Variants in DSCAML1 observed in about 807,000 individuals in gnomAD.
The protein encoded by DSCAML1 is cell adhesion molecule DSCAML1.
DSCAML1 carries 38 observed loss-of-function variants against 200.5 expected under a neutral mutation model. That is an observed-to-expected ratio of 0.19 (90% CI 0.15 to 0.25). The LOEUF (loss-of-function observed/expected upper bound fraction) is 0.25. DSCAML1 is among the 10% of genes least tolerant of loss of function. DSCAML1 has a pLI of 1.00. For missense variants in DSCAML1, 2,223 were observed against 2,858.8 expected, an observed-to-expected ratio of 0.78 and a Z score of 5.07; for synonymous variants, 1,215 against 1,165.0, an observed-to-expected ratio of 1.04 and a Z score of -0.87.
intron 3 of DSCAML1, among the ~76,000 whole-genome samples, chr11:117,562,435 T>C (rs2050680439): frequency 6.6e-6 from 1 of 152,240 alleles, no homozygotes; most frequent in Non-Finnish European, 1.5e-5. Flanking sequence ...CTTGGAATCA[T>C]TTCTTGCTTC....
chr11:117,725,697 G>A (rs1377875626), intron 3 of DSCAML1, among the ~76,000 whole-genome samples: 2 of 152,088 alleles, frequency 1.3e-5, no homozygotes, highest in Non-Finnish European at 2.9e-5. Flanking sequence ...GCCTCCCAGG[G>A]CCTAGACACA....
intron 1 of DSCAML1, among the ~76,000 whole-genome samples, chr11:117,813,455 C>T (rs887727183): frequency 4.6e-5 from 7 of 152,216 alleles, no homozygotes; most frequent in African/African-American, 9.7e-5. Flanking sequence ...GATATCTCCT[C>T]GTGCTATCTC....
chr11:117,715,115 A>AT (rs2053927755), intron 3 of DSCAML1, among the ~76,000 whole-genome samples: 1 of 151,060 alleles, frequency 6.6e-6, no homozygotes, highest in Admixed American at 6.6e-5. Flanking sequence ...TAAGTCATTA[A>AT]AAAAAAAGAA....
In DSCAML1 at chr11:117,544,589, TG is replaced by T. The variant is rs1004321657; in HGVS notation, c.512-12068del. ...AATAACCTGGGAGTCCCTGCCAGCC[TG>T]GGTTTGAAAAAACCAAGGGAAGCCA... On this transcript the variant is annotated intron_variant, in intron 3 of 32. Coordinates refer to ENST00000651296, the MANE Select transcript of DSCAML1 (RefSeq NM_020693.4). 9.8e-5 allele frequency among the ~76,000 whole-genome samples: 15 copies of T among 152,306 alleles called. No homozygotes were observed. The South Asian group carries it at 2.7e-3, about 27-fold the overall frequency.
At chr11:117,792,379 G>T (rs187015917) in intron 1 of DSCAML1, among the ~76,000 whole-genome samples, 75 of 152,126 alleles carry the variant, frequency 4.9e-4, no homozygotes, top group African/African-American at 1.7e-3. Flanking sequence ...CAGCTGGCTC[G>T]CTGGGAGGGG....
At chr11:117,625,586 A>G (rs10892145) in intron 3 of DSCAML1, among the ~76,000 whole-genome samples, 69,714 of 152,054 alleles carry the variant, frequency 0.46, 17,199 homozygotes, top group Non-Finnish European at 0.54. Context: ...CCTAGCGTCC[A>G]GGGCAGAGAG....
intron 3 of DSCAML1, among the ~76,000 whole-genome samples, chr11:117,648,069 C>A (rs1415028803): frequency 6.6e-6 from 1 of 152,220 alleles, no homozygotes; most frequent in Non-Finnish European, 1.5e-5. Flanking sequence ...CTCTGCCCAG[C>A]CACACCCACA....
In DSCAML1 at chr11:117,436,004, A is replaced by G. The variant is rs542380191; in HGVS notation, c.4721-205T>C. ...CCATGAACAGTTGTGTAGTTTTAAT[A>G]TTGCATTTTATTAACAAAGTCCTGG... On this transcript the variant is annotated intron_variant, in intron 26 of 32. Transcript: ENST00000651296. Among the ~76,000 whole-genome samples the G allele has an allele frequency of 3.7e-4, 57 of 152,264 alleles. 1 individual carries two copies. The highest frequency in any genetic ancestry group is 4.6e-4 in the Admixed American group (7 of 15,296).
chr11:117,497,755 G>A (rs1177938456), intron 11 of DSCAML1, among the ~76,000 whole-genome samples: 2 of 152,236 alleles, frequency 1.3e-5, no homozygotes, highest in Non-Finnish European at 2.9e-5. Flanking sequence ...AGGTGAGGCC[G>A]ACTATGATCA....
Position 117,433,166 on chromosome 11 carries a change from G to A in DSCAML1, c.4998C>T (p.Ile1666=), listed in dbSNP as rs755971456. 47 of 1,613,920 alleles carry A rather than the reference G, an allele frequency of 2.9e-5. No homozygotes were observed. The highest frequency in any genetic ancestry group is 3.9e-5 in the Non-Finnish European group (46 of 1,179,962). ...GTTGCTTGATGCCTTCTTTGTCCTC[G>A]ATGAGCAGCTGGACCCTGGGGATGT... ...HIDIPRVQLL[I]EDKEGIKQLG... Residue 1666 remains isoleucine (I), a synonymous_variant, in exon 29 of 33, where the codon ATC becomes ATT. Coordinates refer to ENST00000651296, the MANE Select transcript of DSCAML1 (RefSeq NM_020693.4).
chr11:117,676,671 C>T (rs1429106797), intron 3 of DSCAML1, among the ~76,000 whole-genome samples: 1 of 152,218 alleles, frequency 6.6e-6, no homozygotes, highest in Non-Finnish European at 1.5e-5. Flanking sequence ...TCTGGATGGA[C>T]CAGCAGCTGC....
chr11:117,451,373 T>C (rs2048279641), intron 19 of DSCAML1, among the ~76,000 whole-genome samples: 1 of 152,236 alleles, frequency 6.6e-6, no homozygotes, highest in Non-Finnish European at 1.5e-5. Context: ...CTCCATTGTA[T>C]GGTTGTGTAC....
At chr11:117,577,341 C>A (rs1460689455) in intron 3 of DSCAML1, among the ~76,000 whole-genome samples, 2 of 152,208 alleles carry the variant, frequency 1.3e-5, no homozygotes, top group Admixed American at 6.5e-5. Flanking sequence ...GATTTTACTG[C>A]ATGGCCACAT....
chr11:117,688,143 A>G (rs1363445314), intron 3 of DSCAML1, among the ~76,000 whole-genome samples: 1 of 152,264 alleles, frequency 6.6e-6, no homozygotes, highest in Admixed American at 6.5e-5. Context: ...TAGCAGCAGC[A>G]ATACAGGAAA....
At chr11:117,764,502 C>G (rs1005261971) in intron 3 of DSCAML1, among the ~76,000 whole-genome samples, 1 of 152,208 alleles carries the variant, frequency 6.6e-6, no homozygotes, top group African/African-American at 2.4e-5. Flanking sequence ...GCACCCATCA[C>G]GCACACAGGA....
In DSCAML1 at chr11:117,690,429, C is replaced by A. The variant is rs181408340; in HGVS notation, c.511+86362G>T. Reference sequence around the variant, plus strand: ...CCAAGGGATGGAGGCACCCACGGGTCTCCAAGCTGCCCTCACGGGCCTTTC... The same window carrying A: ...CCAAGGGATGGAGGCACCCACGGGTATCCAAGCTGCCCTCACGGGCCTTTC... On this transcript the variant is annotated intron_variant, in intron 3 of 32. Coordinates refer to ENST00000651296, the MANE Select transcript of DSCAML1 (RefSeq NM_020693.4). Among the ~76,000 whole-genome samples, 266 of 152,362 alleles carry A rather than the reference C, an allele frequency of 1.7e-3. 1 individual carries two copies. Among genetic ancestry groups the A allele is most frequent in the African/African-American group, 4.9e-3 (204 of 41,578 alleles).
intron 3 of DSCAML1, among the ~76,000 whole-genome samples, chr11:117,626,285 G>A (rs1331878861): frequency 6.6e-6 from 1 of 151,610 alleles, no homozygotes; most frequent in East Asian, 1.9e-4. Flanking sequence ...TTGGTCCCCT[G>A]GGGATGCTAC....
intron 3 of DSCAML1, among the ~76,000 whole-genome samples, chr11:117,711,203 G>A (rs2053843044): frequency 6.6e-6 from 1 of 152,182 alleles, no homozygotes; most frequent in Non-Finnish European, 1.5e-5. Flanking sequence ...GCTCAGCCCA[G>A]GGCAAAGCAA....
chr11:117,651,217 C>T (rs1349482285), intron 3 of DSCAML1, among the ~76,000 whole-genome samples: 2 of 152,246 alleles, frequency 1.3e-5, no homozygotes, highest in East Asian at 3.8e-4. Context: ...CAGCTCCAGC[C>T]TCAGCTCAGG....
Sources: gnomAD v4.1 joint callset for allele counts (sites outside exome capture counted in the v4.1 genomes callset) on GRCh38, gnomAD v4.1.1 for gene constraint, MANE v1.5 for transcripts, NCBI Gene and HGNC (gene_info 2026-07-23, HGNC 2026-07-21) for gene names.